The following SNTB2 variants were observed in gnomAD, a reference collection of about 807,000 sequenced individuals.
SNTB2 encodes syntrophin beta 2.
A neutral mutation model predicts 46.2 loss-of-function variants in SNTB2; 34 were observed. The ratio of observed to expected loss-of-function variants is 0.74; its 90% CI spans 0.56 to 0.98. The LOEUF (loss-of-function observed/expected upper bound fraction) is 0.98. Among genes scored for constraint, SNTB2 ranks in the 50% least tolerant of loss-of-function variants. SNTB2 has a pLI of 0.00. For missense variants in SNTB2, 603 were observed against 731.4 expected (o/e 0.82, Z 2.02); for synonymous variants, 290 against 312.6 (o/e 0.93, Z 0.76).
At chr16:69,278,811 G>A (rs532212299) in intron 4 of SNTB2, among the ~76,000 whole-genome samples, 35 of 151,972 alleles carry the variant, frequency 2.3e-4, no homozygotes, top group African/African-American at 8.0e-4. Flanking sequence ...TGGGGGAGGG[G>A]GTGATTTCAA....
In SNTB2 at chr16:69,306,007, G is replaced by C. The variant is rs1353585687; in HGVS notation, c.*5083G>C. ...TCTAAAATAATTATGCTATATATCA[G>C]GGTTCTGTATTTTTGAGCAATATCA... is the stretch of plus-strand genomic sequence containing the variant. On this transcript the variant is annotated 3_prime_UTR_variant, in exon 7 of 7. Coordinates refer to ENST00000336278, the MANE Select transcript of SNTB2 (RefSeq NM_006750.4). 4 of 151,952 alleles carry C rather than the reference G, an allele frequency of 2.6e-5. No individual in the cohort carries two copies. Among genetic ancestry groups the C allele is most frequent in the Non-Finnish European group, 5.9e-5 (4 of 67,998 alleles). 9.4% of individuals were successfully genotyped at this position (151,952 alleles called of 1,614,324 possible). A position where few individuals can be genotyped will look rare whatever the true frequency, so the allele number is the denominator to read the frequency against.
chr16:69,308,051 A>G lies in SNTB2; in HGVS notation c.*7127A>G, dbSNP rs1026177016. ...CTGAGCTATCAGTGATTGGAATGGCACAGGAAACCGAATCACATGGGTGCC... is the reference window on the plus strand; with the variant it reads ...CTGAGCTATCAGTGATTGGAATGGCGCAGGAAACCGAATCACATGGGTGCC... On this transcript the variant is annotated 3_prime_UTR_variant, in exon 7 of 7. Coordinates refer to ENST00000336278, the MANE Select transcript of SNTB2 (RefSeq NM_006750.4). 5.9e-5 allele frequency: 9 copies of G among 152,576 alleles called. No individual in the cohort carries two copies. Among genetic ancestry groups the G allele is most frequent in the African/African-American group, 1.9e-4 (8 of 41,464 alleles). The allele number at this position is 152,576 out of a possible 1,614,324, so 9.5% of individuals were successfully genotyped here.
chr16:69,253,358 C>T (rs1267338094), intron 2 of SNTB2, among the ~76,000 whole-genome samples: 1 of 151,858 alleles, frequency 6.6e-6, no homozygotes, highest in Admixed American at 6.6e-5. Context: ...TCATAAAAAA[C>T]TGGTTAACTG....
At chr16:69,261,088 G>A (rs1337230904) in intron 3 of SNTB2, among the ~76,000 whole-genome samples, 1 of 151,464 alleles carries the variant, frequency 6.6e-6, no homozygotes. Flanking sequence ...TCAGAGATGA[G>A]TGTTTAAGTG....
chr16:69,296,797 A>G (rs1872881131), intron 5 of SNTB2, among the ~76,000 whole-genome samples: 2 of 152,046 alleles, frequency 1.3e-5, no homozygotes, highest in South Asian at 4.2e-4. Context: ...ACGTGAGGTC[A>G]GGAGTTTGAG....
At chr16:69,193,412 T>G (rs1448702042) in intron 1 of SNTB2, among the ~76,000 whole-genome samples, 1 of 130,464 alleles carries the variant, frequency 7.7e-6, no homozygotes, top group African/African-American at 2.9e-5. Context: ...CACTGCAACC[T>G]CCGCCTCCTG....
chr16:69,235,942 G>A, intron 1 of SNTB2: 1 of 995,992 alleles, frequency 1.0e-6, no homozygotes, highest in Non-Finnish European at 1.3e-6. Context: ...CTACATCTTA[G>A]TAAGCTCCCA....
chr16:69,200,136 A>C (rs1597169547), intron 1 of SNTB2, among the ~76,000 whole-genome samples: 1 of 152,084 alleles, frequency 6.6e-6, no homozygotes, highest in Non-Finnish European at 1.5e-5. Context: ...GGATGGTCTC[A>C]ATCTCCTGAC....
intron 1 of SNTB2, among the ~76,000 whole-genome samples, chr16:69,207,142 T>TTTTC (rs71383973): frequency 0.1 from 14,428 of 141,890 alleles, 1,174 homozygotes; most frequent in African/African-American, 0.19. Flanking sequence ...TTTTCTTTTC[T>TTTTC]TTTCTTTCTT....
At chr16:69,217,107 C>T (rs1429592849) in intron 1 of SNTB2, among the ~76,000 whole-genome samples, 1 of 152,110 alleles carries the variant, frequency 6.6e-6, no homozygotes, top group Non-Finnish European at 1.5e-5. Flanking sequence ...TGAATCTTTA[C>T]AGTACGTTAA....
chr16:69,287,218 T>A (rs1965112229), intron 5 of SNTB2, among the ~76,000 whole-genome samples: 1 of 152,174 alleles, frequency 6.6e-6, no homozygotes, highest in Non-Finnish European at 1.5e-5. Flanking sequence ...TTTGCAAATT[T>A]TTTTCTTTTT....
intron 2 of SNTB2, among the ~76,000 whole-genome samples, chr16:69,256,500 G>C (rs189414650): frequency 1.3e-5 from 2 of 152,132 alleles, no homozygotes; most frequent in African/African-American, 4.8e-5. Flanking sequence ...CCTTCCTTCA[G>C]CTCCTGGCAC....
chr16:69,291,514 T>C (rs1965158962), intron 5 of SNTB2, among the ~76,000 whole-genome samples: 3 of 151,964 alleles, frequency 2.0e-5, no homozygotes, highest in South Asian at 4.1e-4. Context: ...AGTTCGAGAC[T>C]AGCCTGGGTA....
At chr16:69,192,677 A>T (rs140897977) in intron 1 of SNTB2, among the ~76,000 whole-genome samples, 2 of 152,176 alleles carry the variant, frequency 1.3e-5, no homozygotes, top group African/African-American at 2.4e-5. Flanking sequence ...GAGAAATACA[A>T]TTGATTTGGT....
chr16:69,267,069 C>T (rs1198358946), intron 3 of SNTB2, among the ~76,000 whole-genome samples: 2 of 151,166 alleles, frequency 1.3e-5, no homozygotes, highest in Non-Finnish European at 2.9e-5. Context: ...CGCTCTGTTT[C>T]CAGGCTGGAG....
intron 1 of SNTB2, among the ~76,000 whole-genome samples, chr16:69,198,366 C>T (rs747251050): frequency 1.3e-5 from 2 of 152,122 alleles, no homozygotes; most frequent in Non-Finnish European, 2.9e-5. Flanking sequence ...GCCTCGGCCT[C>T]CCAAAGTGCT....
chr16:69,243,529 G>T (rs946739209), intron 1 of SNTB2, among the ~76,000 whole-genome samples: 1 of 152,104 alleles, frequency 6.6e-6, no homozygotes, highest in Admixed American at 6.6e-5. Context: ...GATCGTTAAG[G>T]GTTCTTTTCT....
chr16:69,240,704 G>A (rs1327148271), intron 1 of SNTB2: 2 of 152,180 alleles, frequency 1.3e-5, no homozygotes, highest in Non-Finnish European at 2.9e-5. Context: ...AAAGGTAAGA[G>A]TTAGAGATAA....
intron 3 of SNTB2, among the ~76,000 whole-genome samples, chr16:69,269,118 G>A (rs1231659232): frequency 6.6e-6 from 1 of 151,552 alleles, no homozygotes. Context: ...GCAGTAAGCC[G>A]AGATCGCACC....
Sources: gnomAD v4.1 joint callset for allele counts (sites outside exome capture counted in the v4.1 genomes callset) on GRCh38, gnomAD v4.1.1 for gene constraint, MANE v1.5 for transcripts, NCBI Gene and HGNC (gene_info 2026-07-23, HGNC 2026-07-21) for gene names.